Variants in BLTP1 observed in about 807,000 individuals in gnomAD.
BLTP1 encodes the protein fragile site-associated protein.
chr4:122,154,926 C>G, the BLTP1 span: 3 of 949,942 alleles, frequency 3.2e-6, no homozygotes, highest in South Asian at 1.5e-4. Context: ...GTTTGTTTTT[C>G]ATAGAATATT....
At chr4:122,362,425 C>A in the BLTP1 span, 1 of 471,892 alleles carries the variant, frequency 2.1e-6, no homozygotes, top group Non-Finnish European at 3.7e-6. Context: ...TGAAGTATTG[C>A]ATGATAATGT....
the BLTP1 span, chr4:122,315,490 C>G: frequency 6.2e-7 from 1 of 1,614,006 alleles, no homozygotes; most frequent in Non-Finnish European, 8.5e-7. Flanking sequence ...CCTGGACACT[C>G]AACGTATTGT....
the BLTP1 span, chr4:122,346,091 G>A: frequency 9.5e-6 from 7 of 738,060 alleles, no homozygotes; most frequent in Non-Finnish European, 1.2e-5. Context: ...GGGAGTCATT[G>A]GCATGTAAAC....
chr4:122,289,009 A>G, the BLTP1 span: 1 of 1,408,536 alleles, frequency 7.1e-7, no homozygotes, highest in Non-Finnish European at 9.5e-7. Context: ...TTTTTTCCTC[A>G]GTTTAGGGTG....
chr4:122,249,272 C>T, the BLTP1 span: 1 of 555,754 alleles, frequency 1.8e-6, no homozygotes. Context: ...TTCATACTAC[C>T]TTTGAGCAAC....
the BLTP1 span, chr4:122,270,874 G>T: frequency 8.9e-7 from 1 of 1,117,484 alleles, no homozygotes; most frequent in Non-Finnish European, 1.2e-6. Context: ...TAGTGAAAAA[G>T]CATATTTTAC....
the BLTP1 span, chr4:122,221,729 T>C: frequency 4.3e-6 from 4 of 924,560 alleles, no homozygotes; most frequent in Non-Finnish European, 5.2e-6. Context: ...GAATCGGTTG[T>C]TTTTTATTCT....
chr4:122,214,455 C>A, the BLTP1 span: 2 of 957,486 alleles, frequency 2.1e-6, no homozygotes, highest in Non-Finnish European at 2.5e-6. Context: ...GCTTACATGC[C>A]ATCTATTATA....
the BLTP1 span, among the ~76,000 whole-genome samples, chr4:122,204,142 T>C: frequency 6.6e-6 from 1 of 151,860 alleles, no homozygotes; most frequent in Admixed American, 6.6e-5. Flanking sequence ...CTCAAGTACA[T>C]TGGCATGTGT....
At chr4:122,236,852 T>C in the BLTP1 span, 1 of 985,268 alleles carries the variant, frequency 1.0e-6, no homozygotes, top group Non-Finnish European at 1.2e-6. Context: ...GCCATAAGTT[T>C]CTTGTCCAGG....
At chr4:122,163,027 A>G in the BLTP1 span, among the ~76,000 whole-genome samples, 5 of 152,200 alleles carry the variant, frequency 3.3e-5, no homozygotes, top group African/African-American at 4.8e-5. Context: ...ATATGGTTTC[A>G]TGGTCTCTTC....
At chr4:122,157,376 C>T in the BLTP1 span, among the ~76,000 whole-genome samples, 1 of 152,052 alleles carries the variant, frequency 6.6e-6, no homozygotes, top group African/African-American at 2.4e-5. Context: ...CACTAGGGAC[C>T]AGTTTTGTAG....
the BLTP1 span, chr4:122,356,890 TAGTA>T: frequency 1.4e-6 from 2 of 1,442,862 alleles, no homozygotes; most frequent in South Asian, 1.5e-5. Flanking sequence ...TAAATAGCGT[TAGTA>T]AGACTATCAC....
the BLTP1 span, chr4:122,186,192 G>A: frequency 1.2e-6 from 2 of 1,612,112 alleles, no homozygotes; most frequent in Admixed American, 3.3e-5. Flanking sequence ...CGGGAAATTG[G>A]AAGAACAAGA....
chr4:122,195,197 A>G, the BLTP1 span, among the ~76,000 whole-genome samples: 22 of 152,316 alleles, frequency 1.4e-4, no homozygotes, highest in African/African-American at 4.8e-4. Context: ...TTGAAATAGC[A>G]TGGTTTTAGC....
the BLTP1 span, chr4:122,256,897 T>G: frequency 4.6e-6 from 1 of 215,718 alleles, no homozygotes; most frequent in South Asian, 1.7e-4. Flanking sequence ...ATGTTCCAAG[T>G]AGCTCAAAAT....
At chr4:122,339,390 A>T in the BLTP1 span, 1 of 1,611,838 alleles carries the variant, frequency 6.2e-7, no homozygotes, top group Non-Finnish European at 8.5e-7. Context: ...GACTTCTGCT[A>T]GCAAAACTGG....
chr4:122,226,802 G>C, the BLTP1 span: 29 of 1,611,788 alleles, frequency 1.8e-5, no homozygotes, highest in Non-Finnish European at 2.5e-5. Context: ...TAATATGTCA[G>C]CATGGAATTG....
chr4:122,196,677 T>A, the BLTP1 span: 1 of 1,609,742 alleles, frequency 6.2e-7, no homozygotes, highest in Admixed American at 1.7e-5. Context: ...ACTATCAAGT[T>A]CTGAAAGTTT....
Sources: allele counts gnomAD v4.1 joint callset (sites outside exome capture counted in the v4.1 genomes callset), GRCh38; gene constraint gnomAD v4.1.1; transcripts MANE v1.5; gene names NCBI Gene and HGNC (gene_info 2026-07-23, HGNC 2026-07-21).